The following HS6ST3 variants were observed in gnomAD, a reference collection of about 807,000 sequenced individuals.
The protein encoded by HS6ST3 is heparan-sulfate 6-O-sulfotransferase 3.
A neutral mutation model predicts 36.7 loss-of-function variants in HS6ST3; 12 were observed. That is an observed-to-expected ratio of 0.33 (90% CI 0.21 to 0.53). The LOEUF is 0.53. Among genes scored for constraint, HS6ST3 ranks in the 20% least tolerant of loss-of-function variants. The probability of loss-of-function intolerance (pLI) is 0.95; values close to 1 mark genes in which losing one functional copy is unlikely to be tolerated. For missense variants in HS6ST3, 584 were observed against 640.9 expected, an observed-to-expected ratio of 0.91 and a Z score of 0.96; for synonymous variants, 240 against 257.5, an observed-to-expected ratio of 0.93 and a Z score of 0.65.
chr13:96,705,709 G>A (rs186996540), intron 1 of HS6ST3, among the ~76,000 whole-genome samples: 33 of 152,242 alleles, frequency 2.2e-4, no homozygotes, highest in Admixed American at 2.2e-3. Flanking sequence ...CCTTGTTCGT[G>A]GCATGGGAGG....
chr13:96,831,838 C>A (rs1878790764), intron 1 of HS6ST3, among the ~76,000 whole-genome samples: 2 of 151,446 alleles, frequency 1.3e-5, no homozygotes, highest in South Asian at 4.2e-4. Flanking sequence ...GCCTGTAATC[C>A]CAGCTATTCA....
At chr13:96,106,303 G>A (rs1205230756) in intron 1 of HS6ST3, among the ~76,000 whole-genome samples, 4 of 152,238 alleles carry the variant, frequency 2.6e-5, no homozygotes, top group Middle Eastern at 6.8e-3. Context: ...CTGAGTTTAG[G>A]TTATAAAAGG....
intron 1 of HS6ST3, among the ~76,000 whole-genome samples, chr13:96,148,161 G>A (rs905782917): frequency 6.6e-6 from 1 of 152,166 alleles, no homozygotes; most frequent in Non-Finnish European, 1.5e-5. Context: ...TTGTTTTTGT[G>A]ACCATAAACA....
intron 1 of HS6ST3, among the ~76,000 whole-genome samples, chr13:96,500,849 C>T (rs1258405303): frequency 6.6e-6 from 1 of 152,124 alleles, no homozygotes; most frequent in Admixed American, 6.5e-5. Context: ...AATATTAGAG[C>T]TATAAAACTA....
intron 1 of HS6ST3, among the ~76,000 whole-genome samples, chr13:96,489,051 G>T (rs1236013713): frequency 6.6e-6 from 1 of 151,918 alleles, no homozygotes; most frequent in East Asian, 1.9e-4. Context: ...AGAAATATTT[G>T]TGAGAAAAAA....
chr13:96,355,808 G>A (rs952874737), intron 1 of HS6ST3, among the ~76,000 whole-genome samples: 1 of 152,096 alleles, frequency 6.6e-6, no homozygotes. Context: ...TTTCTCTGTA[G>A]CATGCAATGC....
intron 1 of HS6ST3, among the ~76,000 whole-genome samples, chr13:96,669,383 G>T (rs907829669): frequency 2.0e-5 from 3 of 152,106 alleles, no homozygotes; most frequent in African/African-American, 2.4e-5. Flanking sequence ...GGAAAGACAT[G>T]TCTTGAAATC....
chr13:96,402,619 A>C (rs1441596201), intron 1 of HS6ST3, among the ~76,000 whole-genome samples: 2 of 152,148 alleles, frequency 1.3e-5, no homozygotes, highest in South Asian at 4.1e-4. Context: ...TATTTATATC[A>C]CCAAAGATTT....
intron 1 of HS6ST3, among the ~76,000 whole-genome samples, chr13:96,547,766 A>G (rs947865112): frequency 6.6e-6 from 1 of 152,082 alleles, no homozygotes; most frequent in African/African-American, 2.4e-5. Flanking sequence ...TAATGTGTTT[A>G]CTGCTACGAT....
intron 1 of HS6ST3, among the ~76,000 whole-genome samples, chr13:96,155,970 A>G (rs1313611096): frequency 6.6e-6 from 1 of 152,172 alleles, no homozygotes; most frequent in Non-Finnish European, 1.5e-5. Flanking sequence ...TTCCCGCTTG[A>G]AACATTCTCT....
chr13:96,090,869 GA>G lies in HS6ST3; in HGVS notation c.10del (p.Arg4GlyfsTer7). Reference sequence around the variant, plus strand: ...CCGGCCTGAGAGCGGGACCATGGATGAAAGGTTCAACAAGTGGCTGCTGACG... The same window carrying G: ...CCGGCCTGAGAGCGGGACCATGGATGAAGGTTCAACAAGTGGCTGCTGACG... MD[E>X]RFNKWLLTPV... On this transcript the variant is annotated frameshift_variant, in exon 1 of 2. Transcript: ENST00000376705. LOFTEE classifies it high-confidence loss of function. The G allele has an allele frequency of 2.6e-6, 4 of 1,509,994 alleles. No homozygotes were observed. The highest frequency in any genetic ancestry group is 2.9e-5 in the East Asian group (1 of 34,770). The allele number at this position is 1,509,994 out of a possible 1,614,324, so 93.5% of individuals were successfully genotyped here.
intron 1 of HS6ST3, among the ~76,000 whole-genome samples, chr13:96,628,641 T>C (rs1484359999): frequency 6.6e-6 from 1 of 152,114 alleles, no homozygotes. Context: ...TTTCAAAGCA[T>C]ATAATTCAAA....
intron 1 of HS6ST3, among the ~76,000 whole-genome samples, chr13:96,331,056 G>T (rs1460293477): frequency 6.6e-6 from 1 of 152,026 alleles, no homozygotes; most frequent in Non-Finnish European, 1.5e-5. Context: ...GCACTTCTCT[G>T]TATTGGTTAT....
chr13:96,638,407 C>A (rs1364250125), intron 1 of HS6ST3, among the ~76,000 whole-genome samples: 3 of 151,978 alleles, frequency 2.0e-5, no homozygotes, highest in Non-Finnish European at 4.4e-5. Flanking sequence ...AAGTTACATA[C>A]CCTCTCTACT....
At chr13:96,521,123 A>G (rs112712791) in intron 1 of HS6ST3, among the ~76,000 whole-genome samples, 6,238 of 152,242 alleles carry the variant, frequency 0.041, 400 homozygotes, top group African/African-American at 0.14. Flanking sequence ...GGTTTTTGTC[A>G]TTGGTTCTGT....
At chr13:96,450,081 C>G (rs8001127) in intron 1 of HS6ST3, among the ~76,000 whole-genome samples, 1 of 151,984 alleles carries the variant, frequency 6.6e-6, no homozygotes, top group Admixed American at 6.6e-5. Context: ...GTTCCAAAGA[C>G]CCAACTAGTT....
At chr13:96,769,554 T>C (rs1295560850) in intron 1 of HS6ST3, among the ~76,000 whole-genome samples, 3 of 150,522 alleles carry the variant, frequency 2.0e-5, no homozygotes, top group East Asian at 2.0e-4. Context: ...GCTGACACAT[T>C]GTTTTAGGAC....
intron 1 of HS6ST3, among the ~76,000 whole-genome samples, chr13:96,395,470 A>G (rs1213413709): frequency 6.6e-6 from 1 of 151,824 alleles, no homozygotes; most frequent in Admixed American, 6.6e-5. Flanking sequence ...CCCTGCCACA[A>G]CCCTGCTCTC....
chr13:96,778,536 A>G (rs966782830), intron 1 of HS6ST3, among the ~76,000 whole-genome samples: 3 of 152,252 alleles, frequency 2.0e-5, no homozygotes, highest in Non-Finnish European at 4.4e-5. Context: ...TTCTCAAAAG[A>G]AGACATTTAT....
Sources: gnomAD v4.1 joint callset for allele counts (sites outside exome capture counted in the v4.1 genomes callset) on GRCh38, gnomAD v4.1.1 for gene constraint, MANE v1.5 for transcripts, NCBI Gene and HGNC (gene_info 2026-07-23, HGNC 2026-07-21) for gene names.